Variants in PCSK5 observed in about 807,000 individuals in gnomAD.
PCSK5 encodes the protein proprotein convertase subtilisin/kexin type 5.
Under a neutral mutation model 233.2 loss-of-function variants are expected in PCSK5, and 129 were observed. That is an observed-to-expected ratio of 0.55 (90% confidence interval 0.48 to 0.64). The LOEUF is 0.64. PCSK5 is among the 30% of genes least tolerant of loss of function. The probability of loss-of-function intolerance (pLI) is 0.00; values close to 1 mark genes in which losing one functional copy is unlikely to be tolerated. For synonymous variants in PCSK5, 825 were observed against 879.2 expected, an observed-to-expected ratio of 0.94 and a Z score of 1.09; for missense variants, 2,076 against 2,430.1, an observed-to-expected ratio of 0.85 and a Z score of 3.06.
At chr9:76,023,594 G>T (rs1828291933) in intron 3 of PCSK5, 144 bp from the exon 4 acceptor site, 5 of 639,784 alleles carry the variant, frequency 7.8e-6, no homozygotes, top group Non-Finnish European at 1.0e-5. Flanking sequence ...AAGCCCAGGA[G>T]TTTGAGGTTA....
At chr9:76,166,071 C>A (rs1206544202) in intron 12 of PCSK5, among the ~76,000 whole-genome samples, 1 of 152,142 alleles carries the variant, frequency 6.6e-6, no homozygotes, top group African/African-American at 2.4e-5. Flanking sequence ...TTAAAACACA[C>A]AACAATGTGT....
intron 1 of PCSK5, among the ~76,000 whole-genome samples, chr9:75,895,626 C>T (rs755458652): frequency 1.1e-4 from 17 of 152,152 alleles, no homozygotes; most frequent in Non-Finnish European, 2.2e-4. Flanking sequence ...CTCATTCATC[C>T]TAGTCATAGG....
chr9:76,323,240 G>A lies in PCSK5; in HGVS notation c.4291G>A (p.Glu1431Lys). The A allele has an allele frequency of 6.2e-7, 1 of 1,612,602 alleles. No homozygotes were observed. The highest frequency in any genetic ancestry group is 8.5e-7 in the Non-Finnish European group (1 of 1,179,668). ...CCTCTATGATGGACTGTGCTTGGAG[G>A]AGTGTCCAGCAGGAACCTATTATGA... ...WVLYDGLCLEECPAGTYYEKE... is the reference protein window; with the variant it reads ...WVLYDGLCLEKCPAGTYYEKE... The change falls in exon 32 of 38, where the codon GAG becomes AAG. Residue 1431 changes from glutamate (E) to lysine (K), a missense_variant. Coordinates refer to ENST00000674117, the MANE Select transcript of PCSK5 (RefSeq NM_001372043.1).
At chr9:76,229,321 T>C (rs1257598025) in intron 21 of PCSK5, among the ~76,000 whole-genome samples, 3 of 152,228 alleles carry the variant, frequency 2.0e-5, no homozygotes, top group Non-Finnish European at 4.4e-5. Flanking sequence ...ATTTGTTTAA[T>C]AAGGCAGCTA....
chr9:75,935,575 A>G (rs1824019429), intron 2 of PCSK5, among the ~76,000 whole-genome samples: 1 of 152,212 alleles, frequency 6.6e-6, no homozygotes, highest in Non-Finnish European at 1.5e-5. Context: ...TACAGACTTT[A>G]TCCAAATTTT....
At chr9:75,937,652 C>T (rs1309015901) in intron 2 of PCSK5, among the ~76,000 whole-genome samples, 1 of 152,216 alleles carries the variant, frequency 6.6e-6, no homozygotes, top group Admixed American at 6.5e-5. Flanking sequence ...TAGGTGGCAT[C>T]TTCTTTCAAC....
chr9:76,092,355 G>A (rs1257719609), intron 7 of PCSK5, among the ~76,000 whole-genome samples: 1 of 152,106 alleles, frequency 6.6e-6, no homozygotes, highest in African/African-American at 2.4e-5. Context: ...TCAGGCTGTG[G>A]CTCCAGTCAG....
intron 24 of PCSK5, among the ~76,000 whole-genome samples, chr9:76,263,036 T>A (rs1827227976): frequency 1.3e-5 from 2 of 152,008 alleles, no homozygotes; most frequent in African/African-American, 4.8e-5. Context: ...AATGCTCACC[T>A]TCACTGGCCA....
chr9:76,057,245 C>T (rs1049701440), intron 5 of PCSK5, among the ~76,000 whole-genome samples: 2 of 152,102 alleles, frequency 1.3e-5, no homozygotes, highest in African/African-American at 4.8e-5. Flanking sequence ...CCTTATAATT[C>T]TGTGGGAATA....
At chr9:75,959,550 T>TC (rs1343322919) in intron 2 of PCSK5, among the ~76,000 whole-genome samples, 6 of 152,060 alleles carry the variant, frequency 3.9e-5, no homozygotes, top group African/African-American at 7.2e-5. Context: ...AATTCGATGA[T>TC]CCCCCCTGCT....
At chr9:76,344,789 G>A (rs1209536879) in intron 35 of PCSK5, among the ~76,000 whole-genome samples, 2 of 152,084 alleles carry the variant, frequency 1.3e-5, no homozygotes, top group Non-Finnish European at 2.9e-5. Flanking sequence ...CACTAGTGTT[G>A]TGCAGTGGGC....
intron 24 of PCSK5, among the ~76,000 whole-genome samples, chr9:76,252,761 A>T (rs1298325965): frequency 6.6e-6 from 1 of 152,206 alleles, no homozygotes; most frequent in African/African-American, 2.4e-5. Flanking sequence ...GACTTAGAGA[A>T]CCAACCTCAT....
intron 3 of PCSK5, among the ~76,000 whole-genome samples, chr9:76,019,055 C>G (rs943204791): frequency 6.6e-6 from 1 of 152,104 alleles, no homozygotes; most frequent in Non-Finnish European, 1.5e-5. Flanking sequence ...TTCACATTGG[C>G]CAGCTGTTTG....
intron 12 of PCSK5, among the ~76,000 whole-genome samples, 196 bp downstream of exon 12, chr9:76,159,367 T>G (rs973671684): frequency 6.6e-6 from 1 of 152,146 alleles, no homozygotes; most frequent in Non-Finnish European, 1.5e-5. Flanking sequence ...AGTGGGGCAT[T>G]TAATAGTTGG....
chr9:76,261,756 C>T (rs1212657872), intron 24 of PCSK5, among the ~76,000 whole-genome samples: 5 of 152,124 alleles, frequency 3.3e-5, no homozygotes, highest in African/African-American at 9.7e-5. Flanking sequence ...GTATTTTATT[C>T]TCTTTGAAGC....
intron 22 of PCSK5, among the ~76,000 whole-genome samples, chr9:76,236,521 A>G (rs1826257740): frequency 6.6e-6 from 1 of 152,230 alleles, no homozygotes; most frequent in Admixed American, 6.5e-5. Context: ...ATACTATTAT[A>G]ATAATTTAAA....
chr9:76,232,274 G>T (rs975911230), intron 21 of PCSK5, among the ~76,000 whole-genome samples: 8 of 152,144 alleles, frequency 5.3e-5, no homozygotes, highest in African/African-American at 1.7e-4. Context: ...CCCTTTCTTC[G>T]CAGGCCCACT....
chr9:75,919,945 A>G (rs1000030655), intron 1 of PCSK5, among the ~76,000 whole-genome samples: 1 of 152,192 alleles, frequency 6.6e-6, no homozygotes, highest in Non-Finnish European at 1.5e-5. Flanking sequence ...AGGTGGGTGG[A>G]TCACCTGAGG....
At chr9:76,162,885 C>T (rs901551229) in intron 12 of PCSK5, among the ~76,000 whole-genome samples, 7 of 152,156 alleles carry the variant, frequency 4.6e-5, no homozygotes, top group African/African-American at 1.2e-4. Flanking sequence ...TGGCAGCCAA[C>T]GTGGAAAACT....
Sources: allele counts gnomAD v4.1 joint callset (sites outside exome capture counted in the v4.1 genomes callset), GRCh38; gene constraint gnomAD v4.1.1; transcripts MANE v1.5; gene names NCBI Gene and HGNC (gene_info 2026-07-23, HGNC 2026-07-21).